The following SSTR2 variants were observed in gnomAD, a reference collection of about 807,000 sequenced individuals.
SSTR2 encodes the protein somatostatin receptor 2, also known as somatostatin receptor type 2.
Under a neutral mutation model 21.4 loss-of-function variants are expected in SSTR2, and 10 were observed. The observed-to-expected ratio is 0.47, with a 90% CI of 0.29 to 0.79. The LOEUF (loss-of-function observed/expected upper bound fraction) is 0.79, where lower values mean the gene tolerates loss of function less well. Among genes scored for constraint, SSTR2 ranks in the 30% least tolerant of loss-of-function variants. The pLI is 0.10. For missense variants in SSTR2, 364 were observed against 468.8 expected (o/e 0.78, Z 2.06); for synonymous variants, 177 against 181.3 (o/e 0.98, Z 0.19).
rs2061247346 is a variant in SSTR2 at position 73,175,726 on chromosome 17, G to C, written c.*5297G>C. 2 of 152,148 alleles carry C rather than the reference G, an allele frequency of 1.3e-5. No individual in the cohort carries two copies. The highest frequency in any genetic ancestry group is 4.8e-5 in the African/African-American group (2 of 41,412). The allele number at this position is 152,148 out of a possible 1,614,324, so 9.4% of individuals were successfully genotyped here. On this transcript the variant is annotated 3_prime_UTR_variant, in exon 2 of 2. Transcript: ENST00000357585. ...TTCATCTCCTGATCCTGCTAGGCCT[G>C]GAAGCAGGAAAGAAATGTCCTGGTT...
intron 1 of SSTR2, chr17:73,168,184 G>A (rs940365243): frequency 6.6e-6 from 1 of 152,218 alleles, no homozygotes; most frequent in African/African-American, 2.4e-5. Context: ...CTCTAAAATG[G>A]GGGTAATTAT....
In SSTR2 at chr17:73,169,200, C is replaced by A; in HGVS notation, c.-92-28C>A. On this transcript the variant is annotated intron_variant, in intron 1 of 1. Coordinates refer to ENST00000357585, the MANE Select transcript of SSTR2 (RefSeq NM_001050.3). This position sits in a 1 kb window ranked among gnomAD's most constrained non-coding sequence, Gnocchi z 5.2. ...GAGACTTTAAACAGCCTGTGACCGA[C>A]GGGCCAATCTTCCTCTTTTCCTTCC... 1 of 1,252,076 alleles carries A rather than the reference C, an allele frequency of 8.0e-7. No individual in the cohort carries two copies. Among genetic ancestry groups the A allele is most frequent in the Non-Finnish European group, 1.1e-6 (1 of 927,826 alleles). The allele number at this position is 1,252,076 out of a possible 1,614,324, so 77.6% of individuals were successfully genotyped here.
In SSTR2 at chr17:73,175,414, C is replaced by G. The variant is rs2061246392; in HGVS notation, c.*4985C>G. 6.6e-6 allele frequency: 1 copy of G among 151,914 alleles called. No homozygotes were observed. The highest frequency in any genetic ancestry group is 2.1e-4 in the South Asian group (1 of 4,812). The allele number at this position is 151,914 out of a possible 1,614,324, so 9.4% of individuals were successfully genotyped here. On this transcript the variant is annotated 3_prime_UTR_variant, in exon 2 of 2. Coordinates refer to ENST00000357585, the MANE Select transcript of SSTR2 (RefSeq NM_001050.3). ...GATTCAAGTGATTCTCCTGCCTCAGCCTCCCAAGTAGCAGGGACTACAGGC... is the reference window on the plus strand; with the variant it reads ...GATTCAAGTGATTCTCCTGCCTCAGGCTCCCAAGTAGCAGGGACTACAGGC...
At position 73,170,229 on chromosome 17, in the gene SSTR2, A is replaced by G; in HGVS notation, c.910A>G (p.Asn304Asp). The change falls in exon 2 of 2, where the codon AAC becomes GAC. Residue 304 changes from asparagine (N) to aspartate (D), a missense_variant. Around this residue, in one of 4 missense-constraint regions of SSTR2, gnomAD observed 193 missense variants for 273.1 expected, o/e 0.71. Transcript: ENST00000357585. ...CTTTGTGGTGGTCCTCACCTATGCTAACAGCTGTGCCAACCCTATCCTATA... is the reference window on the plus strand; with the variant it reads ...CTTTGTGGTGGTCCTCACCTATGCTGACAGCTGTGCCAACCCTATCCTATA... ...FDFVVVLTYA[N>D]SCANPILYAF... 6.2e-7 allele frequency: 1 copy of G among 1,614,038 alleles called. No homozygotes were observed. The highest frequency in any genetic ancestry group is 8.5e-7 in the Non-Finnish European group (1 of 1,180,026).
rs374913369 is a variant in SSTR2, at chr17:73,170,375, G to C, written c.1056G>C (p.Glu352Asp). ...AGCAGGACAAATCCCGGCTGAATGA[G>C]ACCACGGAGACCCAGAGGACCCTCC... Reference protein sequence around the residue: ...DSKQDKSRLNETTETQRTLLN... With the variant: ...DSKQDKSRLNDTTETQRTLLN... Residue 352 changes from glutamate (E) to aspartate (D), a missense_variant, in exon 2 of 2, where the codon GAG (glutamate) becomes GAC (aspartate). This residue lies in a region of SSTR2 where 71 missense variants were observed against 53.8 expected (regional missense o/e 1.32). Coordinates refer to ENST00000357585, the MANE Select transcript of SSTR2 (RefSeq NM_001050.3). 1 of 1,613,996 alleles carries C rather than the reference G, an allele frequency of 6.2e-7. No individual in the cohort carries two copies. Among genetic ancestry groups the C allele is most frequent in the Non-Finnish European group, 8.5e-7 (1 of 1,180,008 alleles).
At chr17:73,168,909 C>A (rs746632571) in intron 1 of SSTR2, among the ~76,000 whole-genome samples, 5 of 152,186 alleles carry the variant, frequency 3.3e-5, no homozygotes, top group East Asian at 3.9e-4. Context: ...AGGCGCTGAA[C>A]TTCTCCAAGC....
At chr17:73,167,292 G>T (rs904099573) in intron 1 of SSTR2, among the ~76,000 whole-genome samples, 12 of 152,184 alleles carry the variant, frequency 7.9e-5, no homozygotes, top group African/African-American at 2.9e-4. Flanking sequence ...CAGCCACAAA[G>T]CCCAGATCTC....
chr17:73,168,540 C>T (rs533997237), intron 1 of SSTR2, among the ~76,000 whole-genome samples: 1 of 152,306 alleles, frequency 6.6e-6, no homozygotes, highest in East Asian at 1.9e-4. Context: ...AATTGTTTCA[C>T]CACGTAGGTA....
At position 73,170,341 on chromosome 17, in the gene SSTR2, G is replaced by A. The variant is rs376810550; in HGVS notation, c.1022G>A (p.Ser341Asn). 3 of 1,613,856 alleles carry A rather than the reference G, an allele frequency of 1.9e-6. No homozygotes were observed. Among genetic ancestry groups the A allele is most frequent in the Non-Finnish European group, 2.5e-6 (3 of 1,180,018 alleles). Residue 341 changes from serine to asparagine, a missense_variant, in exon 2 of 2, where the codon AGT becomes AAT. Around this residue, in one of 4 missense-constraint regions of SSTR2, gnomAD observed 71 missense variants for 53.8 expected, o/e 1.32. Transcript: ENST00000357585. ...KVSGTDDGER[S>N]DSKQDKSRLN... ...AGCGGCACAGATGATGGGGAGCGGA[G>A]TGACAGTAAGCAGGACAAATCCCGG... is the stretch of plus-strand genomic sequence containing the variant.
intron 1 of SSTR2, among the ~76,000 whole-genome samples, chr17:73,166,486 C>G (rs2061216899): frequency 6.6e-6 from 1 of 152,154 alleles, no homozygotes; most frequent in Non-Finnish European, 1.5e-5. Context: ...TCTCACCCTC[C>G]TCTCTACAGA....
Position 73,172,464 on chromosome 17 carries a change from C to T in SSTR2, c.*2035C>T, listed in dbSNP as rs1306103735. On this transcript the variant is annotated 3_prime_UTR_variant, in exon 2 of 2. Coordinates refer to ENST00000357585, the MANE Select transcript of SSTR2 (RefSeq NM_001050.3). ...CCGGTGGGAGTGACTAAGTGCTCCA[C>T]CTGTGGGTGTCCTTCTTAATGTGCT... 1.3e-5 allele frequency: 2 copies of T among 152,192 alleles called. No homozygotes were observed. Among genetic ancestry groups the T allele is most frequent in the Non-Finnish European group, 2.9e-5 (2 of 68,038 alleles). The allele number at this position is 152,192 out of a possible 1,614,324, so 9.4% of individuals were successfully genotyped here. A position where few individuals can be genotyped will look rare whatever the true frequency, so the allele number is the denominator to read the frequency against.
intron 1 of SSTR2, among the ~76,000 whole-genome samples, chr17:73,166,653 T>C (rs948527107): frequency 6.6e-6 from 1 of 150,476 alleles, no homozygotes; most frequent in Admixed American, 6.6e-5. Context: ...TGGAATATTC[T>C]TTCTCTGAAA....
Position 73,170,484 on chromosome 17 carries a change from T to C in SSTR2, c.*55T>C, listed in dbSNP as rs2061231433. On this transcript the variant is annotated 3_prime_UTR_variant, in exon 2 of 2. Transcript: ENST00000357585. ...CATGCTCTGTCTACTGGCAATGGGC[T>C]CCCTACCCACACTGGCTTCCTGCCT... 2 of 1,585,472 alleles carry C rather than the reference T, an allele frequency of 1.3e-6. No homozygotes were observed. Among genetic ancestry groups the C allele is most frequent in the Non-Finnish European group, 1.7e-6 (2 of 1,164,934 alleles).
Position 73,171,936 on chromosome 17 carries a change from A to G in SSTR2, c.*1507A>G. ...AACTCAGTCTCAAAAAAAAAAAAAA[A>G]AAAAAAAAAAAAAAAAAAAAAGGAA... On this transcript the variant is annotated 3_prime_UTR_variant, in exon 2 of 2. Coordinates refer to ENST00000357585, the MANE Select transcript of SSTR2 (RefSeq NM_001050.3). 7.0e-6 allele frequency: 1 copy of G among 142,674 alleles called. No homozygotes were observed. Among genetic ancestry groups the G allele is most frequent in the Admixed American group, 7.0e-5 (1 of 14,322 alleles). 8.8% of individuals were successfully genotyped at this position (142,674 alleles called of 1,614,324 possible).
In SSTR2 at chr17:73,171,862, A is replaced by T. The variant is rs2061236274; in HGVS notation, c.*1433A>T. 1 of 132,054 alleles carries T rather than the reference A, an allele frequency of 7.6e-6. No homozygotes were observed. Among genetic ancestry groups the T allele is most frequent in the Admixed American group, 8.5e-5 (1 of 11,770 alleles). 8.2% of individuals were successfully genotyped at this position (132,054 alleles called of 1,614,324 possible). A position where few individuals can be genotyped will look rare whatever the true frequency, so the allele number is the denominator to read the frequency against. ...CTTGAACTTGGGAGGTGGAGGTTGCAGTAAGCTGAGATTGTGCCACTGCAC... is the reference window on the plus strand; with the variant it reads ...CTTGAACTTGGGAGGTGGAGGTTGCTGTAAGCTGAGATTGTGCCACTGCAC... On this transcript the variant is annotated 3_prime_UTR_variant, in exon 2 of 2. Coordinates refer to ENST00000357585, the MANE Select transcript of SSTR2 (RefSeq NM_001050.3).
intron 1 of SSTR2, among the ~76,000 whole-genome samples, chr17:73,167,675 C>T (rs963059653): frequency 6.6e-6 from 1 of 152,166 alleles, no homozygotes; most frequent in African/African-American, 2.4e-5. Flanking sequence ...TCCTCTGAGT[C>T]CCCCAGGAAA....
At position 73,169,088 on chromosome 17, in the gene SSTR2, A is replaced by C; in HGVS notation, c.-92-140A>C. 3.6e-6 allele frequency: 2 copies of C among 557,234 alleles called. No homozygotes were observed. The highest frequency in any genetic ancestry group is 6.0e-5 in the East Asian group (2 of 33,270). 34.5% of individuals were successfully genotyped at this position (557,234 alleles called of 1,614,324 possible). Reference sequence around the variant, plus strand: ...AGTCTGCACACTGATGAGGAACTCTAGAGCTTAATGTTGATGTGGAAAGAT... The same window carrying C: ...AGTCTGCACACTGATGAGGAACTCTCGAGCTTAATGTTGATGTGGAAAGAT... On this transcript the variant is annotated intron_variant, in intron 1 of 1. Coordinates refer to ENST00000357585, the MANE Select transcript of SSTR2 (RefSeq NM_001050.3). The surrounding 1 kb of genome is among the most constrained non-coding windows in gnomAD (Gnocchi z 5.2).
At chr17:73,167,512 G>C (rs1043096513) in intron 1 of SSTR2, among the ~76,000 whole-genome samples, 4 of 152,222 alleles carry the variant, frequency 2.6e-5, no homozygotes, top group Non-Finnish European at 4.4e-5. Flanking sequence ...ACCTAGCTCA[G>C]GGGAAATGTG....
At position 73,165,333 on chromosome 17, in the gene SSTR2, T is replaced by TGA. The variant is rs544006137; in HGVS notation, c.-93+46_-93+47insAG. The TGA allele has an allele frequency of 2.6e-3, 382 of 147,444 alleles. 5 individuals carry two copies. In the South Asian group the frequency reaches 0.028, roughly 11 times the overall value. The allele number at this position is 147,444 out of a possible 1,614,324, so 9.1% of individuals were successfully genotyped here. A position where few individuals can be genotyped will look rare whatever the true frequency, so the allele number is the denominator to read the frequency against. ...GTGTGTGTGTGTGTGTGTGTGTGTG[T>TGA]GTGATAAGAGAGATGGAGGGAGCGA... On this transcript the variant is annotated intron_variant, in intron 1 of 1. Coordinates refer to ENST00000357585, the MANE Select transcript of SSTR2 (RefSeq NM_001050.3).
Sources: gnomAD v4.1 joint callset for allele counts (sites outside exome capture counted in the v4.1 genomes callset) on GRCh38, gnomAD v4.1.1 for gene constraint, gnomAD v4.1.1 regional missense constraint, Gnocchi (gnomAD v3.1) non-coding constraint, MANE v1.5 for transcripts, NCBI Gene and HGNC (gene_info 2026-07-23, HGNC 2026-07-21) for gene names.